The following RIMS1 variants were observed in gnomAD, a reference collection of about 807,000 sequenced individuals.
The protein encoded by RIMS1 is regulating synaptic membrane exocytosis 1.
RIMS1 carries 83 observed loss-of-function variants against 214.1 expected under a neutral mutation model. The ratio of observed to expected loss-of-function variants is 0.39; its 90% confidence interval spans 0.32 to 0.47. RIMS1 has a LOEUF of 0.47. RIMS1 is among the 20% of genes least tolerant of loss of function. The pLI, the probability that RIMS1 is intolerant of heterozygous loss-of-function variation, is 0.99. For synonymous variants in RIMS1, 793 were observed against 786.8 expected (o/e 1.01, Z -0.13); for missense variants, 2,050 against 2,161.8 (o/e 0.95, Z 1.03).
intron 1 of RIMS1, among the ~76,000 whole-genome samples, chr6:71,949,503 A>G (rs1788823539): frequency 6.6e-6 from 1 of 152,152 alleles, no homozygotes; most frequent in Non-Finnish European, 1.5e-5. Flanking sequence ...CAAATTTGTC[A>G]CTTGTTTTGT....
rs1487127561 is a variant in RIMS1, at chr6:71,890,583, A to C, written c.164+3396A>C. On this transcript the variant is annotated intron_variant, in intron 1 of 33. Transcript: ENST00000521978. ...TACTCCTTTTTGTAAAAAAAAAAAA[A>C]AAAAAAAAAAAAAACTTCATAGAGA... Among the ~76,000 whole-genome samples, 4 of 144,428 alleles carry C rather than the reference A, an allele frequency of 2.8e-5. 1 individual carries two copies. Among genetic ancestry groups the C allele is most frequent in the South Asian group, 4.3e-4 (2 of 4,624 alleles). 94.8% of individuals were successfully genotyped at this position (144,428 alleles called of 152,430 possible).
intron 4 of RIMS1, among the ~76,000 whole-genome samples, chr6:72,128,568 T>G (rs945342523): frequency 1.3e-5 from 2 of 152,198 alleles, no homozygotes; most frequent in Non-Finnish European, 2.9e-5. Context: ...GCTGCCAGCC[T>G]CCAGTTTCTT....
chr6:72,302,400 T>C (rs1355242784), intron 26 of RIMS1, among the ~76,000 whole-genome samples: 1 of 151,732 alleles, frequency 6.6e-6, no homozygotes, highest in Non-Finnish European at 1.5e-5. Context: ...ATTTCTGATA[T>C]TTAATGTATC....
At position 71,993,200 on chromosome 6, in the gene RIMS1, C is replaced by T. The variant is rs367828991; in HGVS notation, c.245+24137C>T. Among the ~76,000 whole-genome samples the T allele has an allele frequency of 1.1e-4, 16 of 152,314 alleles. No homozygotes were observed. The East Asian group carries it at 3.1e-3, about 29-fold the overall frequency. On this transcript the variant is annotated intron_variant, in intron 2 of 33. Coordinates refer to ENST00000521978, the MANE Select transcript of RIMS1 (RefSeq NM_014989.7). Reference sequence around the variant, plus strand: ...TCTGTTAAGAGAGGTTTTTAAGACTCAGTCCCCATCATTTTAAAAGAGAGA... The same window carrying T: ...TCTGTTAAGAGAGGTTTTTAAGACTTAGTCCCCATCATTTTAAAAGAGAGA...
intron 4 of RIMS1, among the ~76,000 whole-genome samples, chr6:72,136,303 T>G (rs969318230): frequency 6.6e-6 from 1 of 151,398 alleles, no homozygotes; most frequent in Non-Finnish European, 1.5e-5. Context: ...TAGAGGAAAA[T>G]ATTCCCAAAT....
chr6:72,005,557 T>G lies in RIMS1; in HGVS notation c.245+36494T>G, dbSNP rs1352462615. Among the ~76,000 whole-genome samples, 3 of 152,192 alleles carry G rather than the reference T, an allele frequency of 2.0e-5. No homozygotes were observed. The East Asian group carries it at 5.8e-4, about 29-fold the overall frequency. ...AAAATTATTTACTGTTTGAGAAAAT[T>G]GTATTTGCTTTCCCTTAAATTCAGG... On this transcript the variant is annotated intron_variant, in intron 2 of 33. Transcript: ENST00000521978.
intron 29 of RIMS1, among the ~76,000 whole-genome samples, chr6:72,336,095 C>T (rs2096835188): frequency 6.6e-6 from 1 of 151,750 alleles, no homozygotes; most frequent in African/African-American, 2.4e-5. Context: ...TATTTGATGT[C>T]CTTGAAGGAA....
intron 9 of RIMS1, among the ~76,000 whole-genome samples, chr6:72,238,433 T>C (rs2065224110): frequency 6.6e-6 from 1 of 152,090 alleles, no homozygotes; most frequent in Admixed American, 6.5e-5. Context: ...TAATAAAATA[T>C]TAGTAAATTT....
chr6:72,141,076 T>C (rs929257621), intron 4 of RIMS1, among the ~76,000 whole-genome samples: 1 of 152,042 alleles, frequency 6.6e-6, no homozygotes, highest in Non-Finnish European at 1.5e-5. Flanking sequence ...CTTCCAATAT[T>C]TCCAACAATA....
At chr6:72,317,635 A>G (rs1748677423) in intron 28 of RIMS1, among the ~76,000 whole-genome samples, 1 of 152,190 alleles carries the variant, frequency 6.6e-6, no homozygotes, top group South Asian at 2.1e-4. Context: ...AATGCCCCTT[A>G]TTTCACAATA....
intron 2 of RIMS1, among the ~76,000 whole-genome samples, chr6:72,040,127 G>C (rs1421209653): frequency 3.3e-5 from 5 of 152,004 alleles, no homozygotes; most frequent in Non-Finnish European, 7.4e-5. Context: ...ATACTGGATA[G>C]AAGGTACTTA....
At chr6:72,302,202 T>G (rs1223171879) in intron 26 of RIMS1, among the ~76,000 whole-genome samples, 3 of 151,442 alleles carry the variant, frequency 2.0e-5, no homozygotes, top group African/African-American at 7.2e-5. Flanking sequence ...TGCCTAGTAA[T>G]TCCCATTCCT....
chr6:72,164,521 C>A (rs144454820), intron 4 of RIMS1, among the ~76,000 whole-genome samples: 69 of 152,284 alleles, frequency 4.5e-4, no homozygotes, highest in African/African-American at 1.6e-3. Context: ...TCCTATTTAG[C>A]CATCTTGGCT....
chr6:72,299,546 T>C (rs2094423519), intron 26 of RIMS1, among the ~76,000 whole-genome samples: 1 of 151,876 alleles, frequency 6.6e-6, no homozygotes, highest in Admixed American at 6.6e-5. Context: ...GTACCAGGTT[T>C]CTTTAATAAG....
chr6:72,302,984 G>A (rs989636533), intron 26 of RIMS1, among the ~76,000 whole-genome samples: 1 of 150,578 alleles, frequency 6.6e-6, no homozygotes. Flanking sequence ...TAATTTCAAG[G>A]TGCATAGAGA....
intron 6 of RIMS1, chr6:72,216,372 C>A: frequency 2.3e-6 from 2 of 878,298 alleles, no homozygotes; most frequent in Non-Finnish European, 2.7e-6. Context: ...AGCTCTCTGG[C>A]AAAACCTGTT....
chr6:71,968,929 G>C (rs1795132773), intron 1 of RIMS1, 54 bp from the exon 2 acceptor site: 10 of 1,491,946 alleles, frequency 6.7e-6, no homozygotes, highest in African/African-American at 1.4e-5. Flanking sequence ...TTCTAGATGT[G>C]TTCTACCCTT....
Position 72,401,114 on chromosome 6 carries a change from G to A in RIMS1, c.*400G>A, listed in dbSNP as rs1449327503. ...CCACAAGCAGTGTTATTTCCCTGATGTTTGAGTTGTTTTGTTCTTTTGTGT... is the reference window on the plus strand; with the variant it reads ...CCACAAGCAGTGTTATTTCCCTGATATTTGAGTTGTTTTGTTCTTTTGTGT... On this transcript the variant is annotated 3_prime_UTR_variant, in exon 34 of 34. Transcript: ENST00000521978. 1 of 158,926 alleles carries A rather than the reference G, an allele frequency of 6.3e-6. No homozygotes were observed. The highest frequency in any genetic ancestry group is 1.8e-4 in the East Asian group (1 of 5,492). 9.8% of individuals were successfully genotyped at this position (158,926 alleles called of 1,614,324 possible). A position where few individuals can be genotyped will look rare whatever the true frequency, so the allele number is the denominator to read the frequency against.
At chr6:72,066,433 A>C (rs1040864633) in intron 2 of RIMS1, among the ~76,000 whole-genome samples, 1 of 152,176 alleles carries the variant, frequency 6.6e-6, no homozygotes, top group Non-Finnish European at 1.5e-5. Flanking sequence ...TTGTTTTGTC[A>C]TCATACATTT....
Sources: allele counts gnomAD v4.1 joint callset (sites outside exome capture counted in the v4.1 genomes callset), GRCh38; gene constraint gnomAD v4.1.1; transcripts MANE v1.5; gene names NCBI Gene and HGNC (gene_info 2026-07-23, HGNC 2026-07-21).